Variants in SORCS1 observed in about 807,000 individuals in gnomAD.
SORCS1 encodes sortilin related VPS10 domain containing receptor 1.
In SORCS1, 60 loss-of-function variants were observed where a neutral mutation model predicts 146.1. That is an observed-to-expected ratio of 0.41 (90% CI 0.33 to 0.51). The LOEUF (loss-of-function observed/expected upper bound fraction) is 0.51. SORCS1 is among the 20% of genes least tolerant of loss of function. The pLI is 0.21. For synonymous variants in SORCS1, 637 were observed against 584.0 expected, an observed-to-expected ratio of 1.09 and a Z score of -1.31; for missense variants, 1,352 against 1,487.6, an observed-to-expected ratio of 0.91 and a Z score of 1.50.
At chr10:106,666,318 G>C (rs1367299092) in intron 17 of SORCS1, among the ~76,000 whole-genome samples, 1 of 152,162 alleles carries the variant, frequency 6.6e-6, no homozygotes, top group African/African-American at 2.4e-5. Flanking sequence ...TTGGAACACT[G>C]GCCTCTTTTC....
At chr10:106,742,253 A>G (rs1485093908) in intron 5 of SORCS1, among the ~76,000 whole-genome samples, 1 of 152,086 alleles carries the variant, frequency 6.6e-6, no homozygotes, top group Non-Finnish European at 1.5e-5. Flanking sequence ...CAGATTTTGG[A>G]TTTTATTTTT....
intron 4 of SORCS1, among the ~76,000 whole-genome samples, chr10:106,768,634 T>G (rs1859757013): frequency 6.6e-6 from 1 of 152,258 alleles, no homozygotes; most frequent in Admixed American, 6.5e-5. Context: ...CCATTCATTC[T>G]GCTTCCATGG....
At chr10:106,664,607 ACTCC>A (rs1850989621) in intron 17 of SORCS1, among the ~76,000 whole-genome samples, 2 of 152,136 alleles carry the variant, frequency 1.3e-5, no homozygotes, top group Admixed American at 6.5e-5. Flanking sequence ...GTGCCACTGC[ACTCC>A]AGCCTGGGTA....
chr10:106,853,399 T>A (rs1949664718), intron 2 of SORCS1, among the ~76,000 whole-genome samples: 1 of 72,626 alleles, frequency 1.4e-5, no homozygotes, highest in South Asian at 5.3e-4. Flanking sequence ...TTTTCTTGAT[T>A]TTTTTTTTTT....
At chr10:106,888,605 C>T (rs1951097730) in intron 2 of SORCS1, among the ~76,000 whole-genome samples, 1 of 152,186 alleles carries the variant, frequency 6.6e-6, no homozygotes, top group Admixed American at 6.5e-5. Flanking sequence ...GTAGTAATAA[C>T]GTGCCTTGTT....
At position 106,941,451 on chromosome 10, in the gene SORCS1, G is replaced by T. The variant is rs148417134; in HGVS notation, c.626+15062C>A. ...AGAGCTAGTAAATGGACAGAGCCTGGATTCCTGCCCAGACAGCCCAAGGCC... is the reference window on the plus strand; with the variant it reads ...AGAGCTAGTAAATGGACAGAGCCTGTATTCCTGCCCAGACAGCCCAAGGCC... On this transcript the variant is annotated intron_variant, in intron 2 of 25. Transcript: ENST00000263054. Among the ~76,000 whole-genome samples the T allele has an allele frequency of 2.0e-3, 309 of 152,306 alleles. 3 individuals are homozygous for T. Among genetic ancestry groups the T allele is most frequent in the African/African-American group, 6.6e-3 (274 of 41,574 alleles).
chr10:107,156,882 G>T (rs1431316427), intron 1 of SORCS1, among the ~76,000 whole-genome samples: 1 of 152,186 alleles, frequency 6.6e-6, no homozygotes, highest in African/African-American at 2.4e-5. Flanking sequence ...TCTCATCTCT[G>T]AAGTCTATTA....
Position 106,677,417 on chromosome 10 carries a change from A to G in SORCS1, c.1741-13T>C, listed in dbSNP as rs764663761. 7.5e-6 allele frequency: 12 copies of G among 1,610,676 alleles called. No individual in the cohort carries two copies. The Admixed American group carries it at 2.0e-4, about 27-fold the overall frequency. ...CTTCTTCAAAGATCTGGATGAGGAA[A>G]ACACATACATGGACACACATCCACA... On this transcript the variant is annotated splice_polypyrimidine_tract_variant and intron_variant, in intron 12 of 25. Coordinates refer to ENST00000263054, the MANE Select transcript of SORCS1 (RefSeq NM_052918.5).
chr10:107,149,170 G>A (rs537343588), intron 1 of SORCS1, among the ~76,000 whole-genome samples: 19 of 152,264 alleles, frequency 1.2e-4, no homozygotes, highest in African/African-American at 2.9e-4. Flanking sequence ...ATACATTTCC[G>A]CCCCAGTTTC....
chr10:106,807,860 A>G (rs1476296376), intron 3 of SORCS1, among the ~76,000 whole-genome samples: 1 of 152,208 alleles, frequency 6.6e-6, no homozygotes, highest in Non-Finnish European at 1.5e-5. Context: ...TGATTGCTGT[A>G]TTAGTTTGCA....
At chr10:106,677,250 T>C in intron 13 of SORCS1, 63 bp downstream of exon 13, 1 of 1,443,328 alleles carries the variant, frequency 6.9e-7, no homozygotes, top group Non-Finnish European at 9.8e-7. Context: ...GCCTGACTCC[T>C]AGACTGATCT....
chr10:106,783,018 A>C (rs1371993729), intron 3 of SORCS1, among the ~76,000 whole-genome samples: 1 of 152,242 alleles, frequency 6.6e-6, no homozygotes. Flanking sequence ...AGCTACAATC[A>C]CAAGAAATAG....
intron 2 of SORCS1, among the ~76,000 whole-genome samples, chr10:106,862,566 C>T (rs1384953652): frequency 2.0e-5 from 3 of 151,948 alleles, no homozygotes; most frequent in Non-Finnish European, 2.9e-5. Flanking sequence ...ATTTCACCCC[C>T]GACCCAACAC....
At chr10:106,679,582 T>C (rs768028483) in intron 11 of SORCS1, 50 bp downstream of exon 11, 14 of 1,460,238 alleles carry the variant, frequency 9.6e-6, no homozygotes, top group Non-Finnish European at 1.3e-5. Context: ...ATCTAGCTTC[T>C]TAAAATAAAC....
rs555770605 is a variant in SORCS1, at chr10:106,917,565, C to G, written c.626+38948G>C. Among the ~76,000 whole-genome samples, 117 of 152,254 alleles carry G rather than the reference C, an allele frequency of 7.7e-4. 1 individual carries two copies. Among genetic ancestry groups the G allele is most frequent in the African/African-American group, 2.8e-3 (115 of 41,546 alleles). ...ACTCTTTTTCATGCAGTACATGCCC[C>G]GTGTACTACAGCATGTTTAGCAACA... is the stretch of plus-strand genomic sequence containing the variant. On this transcript the variant is annotated intron_variant, in intron 2 of 25. Coordinates refer to ENST00000263054, the MANE Select transcript of SORCS1 (RefSeq NM_052918.5).
At chr10:106,578,819 T>C (rs1762951971) in intron 25 of SORCS1, 1 of 1,304,518 alleles carries the variant, frequency 7.7e-7, no homozygotes, top group African/African-American at 1.5e-5. Context: ...CATAAACATA[T>C]AACATTTTAA....
At position 107,164,695 on chromosome 10, in the gene SORCS1, G is replaced by T. The variant is rs1377126172; in HGVS notation, c.-169C>A. Among the ~76,000 whole-genome samples, 1 of 150,430 alleles carries T rather than the reference G, an allele frequency of 6.6e-6. No homozygotes were observed. The highest frequency in any genetic ancestry group is 2.4e-5 in the African/African-American group (1 of 41,132). ...CGGGCAGGTGGCGGCCGCTTGCCCG[G>T]GCTGGGCTTGTGCCGAGCGCGGGTC... On this transcript the variant is annotated 5_prime_UTR_variant, in exon 1 of 26. Transcript: ENST00000263054. This position sits in a 1 kb window ranked among gnomAD's most constrained non-coding sequence, Gnocchi z 6.8.
At chr10:106,861,243 A>C (rs1950003750) in intron 2 of SORCS1, among the ~76,000 whole-genome samples, 1 of 151,428 alleles carries the variant, frequency 6.6e-6, no homozygotes, top group South Asian at 2.1e-4. Context: ...ACTAAAATAC[A>C]AAAAAAATTA....
intron 1 of SORCS1, among the ~76,000 whole-genome samples, chr10:107,115,410 C>T (rs779547801): frequency 6.6e-6 from 1 of 151,938 alleles, no homozygotes; most frequent in Admixed American, 6.6e-5. Flanking sequence ...AACAGAGATA[C>T]TAACCAATGG....
Sources: gnomAD v4.1 joint callset for allele counts (sites outside exome capture counted in the v4.1 genomes callset) on GRCh38, gnomAD v4.1.1 for gene constraint, Gnocchi (gnomAD v3.1) non-coding constraint, MANE v1.5 for transcripts, NCBI Gene and HGNC (gene_info 2026-07-23, HGNC 2026-07-21) for gene names.